Variants in SIPA1 observed in about 807,000 individuals in gnomAD.
SIPA1 encodes signal-induced proliferation-associated 1.
In SIPA1, 51 loss-of-function variants were observed where a neutral mutation model predicts 88.1. That is an observed-to-expected ratio of 0.58 (90% CI 0.46 to 0.73). The LOEUF (loss-of-function observed/expected upper bound fraction) is 0.73. Among genes scored for constraint, SIPA1 ranks in the 30% least tolerant of loss-of-function variants. The probability of loss-of-function intolerance (pLI) is 0.00; values close to 1 mark genes in which losing one functional copy is unlikely to be tolerated. For missense variants in SIPA1, 1,348 were observed against 1,467.6 expected (o/e 0.92, Z 1.33); for synonymous variants, 681 against 664.8 (o/e 1.02, Z -0.37).
Position 65,645,028 on chromosome 11 carries a change from A to G in SIPA1, c.1058A>G (p.Asn353Ser). ...GQGSEEEMYN[N>S]QEAGPAFMQF... ...GGCTCGGAGGAGGAGATGTACAACA[A>G]CCAGGAGGCGGGACCGGCCTTCATG... The change falls in exon 5 of 16, where the codon AAC (asparagine) becomes AGC (serine). Residue 353 changes from asparagine to serine, a missense_variant. Physicochemically the swap from Asn to Ser is conservative, Grantham distance 46. Transcript: ENST00000534313. 1 of 1,614,002 alleles carries G rather than the reference A, an allele frequency of 6.2e-7. No individual in the cohort carries two copies. The highest frequency in any genetic ancestry group is 8.5e-7 in the Non-Finnish European group (1 of 1,179,940).
chr11:65,638,833 G>A (rs1433807773), intron 1 of SIPA1, among the ~76,000 whole-genome samples: 1 of 152,260 alleles, frequency 6.6e-6, no homozygotes, highest in African/African-American at 2.4e-5. Context: ...GCCACAGCAA[G>A]AGGCAGCGCA....
At chr11:65,650,237 C>A (rs778680725) in intron 14 of SIPA1, 45 bp downstream of exon 14, 1 of 1,593,110 alleles carries the variant, frequency 6.3e-7, no homozygotes, top group East Asian at 2.2e-5. Flanking sequence ...GCCCACATGA[C>A]CCCCCCTTCG....
intron 9 of SIPA1, 42 bp from the exon 10 acceptor site, chr11:65,649,220 G>T: frequency 7.2e-7 from 1 of 1,383,236 alleles, no homozygotes; most frequent in South Asian, 1.4e-5. Context: ...GCAGGACGCT[G>T]GGGACTGGAG....
chr11:65,643,700 C>G (rs1040915150), intron 4 of SIPA1, among the ~76,000 whole-genome samples: 1 of 152,190 alleles, frequency 6.6e-6, no homozygotes, highest in African/African-American at 2.4e-5. Context: ...CAAAAGGGCT[C>G]AGGCCCGGAT....
rs1856122448 is a variant in SIPA1 at position 65,646,602 on chromosome 11, A to AGTTCCACGCCATGGCCACGCGCACCC, written c.1570_1595dup (p.Gln533SerfsTer21). Reference sequence around the variant, plus strand: ...GAGCAGGCGGCCGGCCACGCGCGCCAGTTCCACGCCATGGCCACGCGCACC... The same window carrying AGTTCCACGCCATGGCCACGCGCACCC: ...GAGCAGGCGGCCGGCCACGCGCGCCAGTTCCACGCCATGGCCACGCGCACCCGTTCCACGCCATGGCCACGCGCACC... On this transcript the variant is annotated frameshift_variant, in exon 8 of 16. Transcript: ENST00000534313. LOFTEE classifies it high-confidence loss of function. The surrounding 1 kb of genome is among the most constrained non-coding windows in gnomAD (Gnocchi z 7.5). 1 of 1,545,074 alleles carries AGTTCCACGCCATGGCCACGCGCACCC rather than the reference A, an allele frequency of 6.5e-7. No homozygotes were observed. Among genetic ancestry groups the AGTTCCACGCCATGGCCACGCGCACCC allele is most frequent in the African/African-American group, 1.4e-5 (1 of 73,242 alleles).
intron 9 of SIPA1, 104 bp downstream of exon 9, chr11:65,647,762 A>C (rs1856162142): frequency 6.6e-6 from 6 of 913,120 alleles, no homozygotes; most frequent in African/African-American, 1.8e-5. Context: ...CCCAGTGTGG[A>C]TACCTTTCCT....
intron 9 of SIPA1, among the ~76,000 whole-genome samples, chr11:65,648,155 G>C (rs906407814): frequency 6.6e-6 from 1 of 152,106 alleles, no homozygotes; most frequent in East Asian, 1.9e-4. Context: ...TTACAGGCGT[G>C]AGTCACCGCG....
In SIPA1 at chr11:65,638,131, G is replaced by C. The variant is rs1042965262; in HGVS notation, c.-143G>C. On this transcript the variant is annotated 5_prime_UTR_variant, in exon 1 of 16. Coordinates refer to ENST00000534313, the MANE Select transcript of SIPA1 (RefSeq NM_006747.4). ...CGGCGCCGGGAGCGGTAGCGGGAGA[G>C]CGGCAGCGGGACCCCAGCGCGGGCG... The C allele has an allele frequency of 2.0e-5, 3 of 152,306 alleles. No individual in the cohort carries two copies. The highest frequency in any genetic ancestry group is 4.4e-5 in the Non-Finnish European group (3 of 68,092). The allele number at this position is 152,306 out of a possible 1,614,324, so 9.4% of individuals were successfully genotyped here.
intron 1 of SIPA1, chr11:65,639,021 G>GTC (rs1565177822): frequency 1.3e-5 from 2 of 152,412 alleles, no homozygotes; most frequent in African/African-American, 4.8e-5. Context: ...GGCTACACCC[G>GTC]TCACACACAC....
chr11:65,639,536 C>T (rs1050735070), intron 1 of SIPA1, among the ~76,000 whole-genome samples: 6 of 152,224 alleles, frequency 3.9e-5, no homozygotes, highest in African/African-American at 9.6e-5. Flanking sequence ...AGGCCCCAGA[C>T]GAAGGGTGTG....
At position 65,649,692 on chromosome 11, in the gene SIPA1, T is replaced by C. The variant is rs1856218785; in HGVS notation, c.2637+20T>C. The C allele has an allele frequency of 6.2e-7, 1 of 1,614,068 alleles. No homozygotes were observed. The highest frequency in any genetic ancestry group is 8.5e-7 in the Non-Finnish European group (1 of 1,180,024). ...ACCCAGGTGAGCAGAAACCAGGCTC[T>C]GGAGCCCAACAGCACAGTGGTGACA... is the stretch of plus-strand genomic sequence containing the variant. On this transcript the variant is annotated intron_variant, in intron 11 of 15. Coordinates refer to ENST00000534313, the MANE Select transcript of SIPA1 (RefSeq NM_006747.4).
intron 8 of SIPA1, 83 bp downstream of exon 8, chr11:65,647,148 C>T: frequency 3.5e-6 from 5 of 1,418,272 alleles, no homozygotes; most frequent in Non-Finnish European, 4.6e-6. Flanking sequence ...CGCCTTTGTC[C>T]CCTACTCCTG....
chr11:65,639,564 C>T (rs1205807346), intron 1 of SIPA1, among the ~76,000 whole-genome samples: 2 of 152,142 alleles, frequency 1.3e-5, no homozygotes, highest in Non-Finnish European at 2.9e-5. Flanking sequence ...CCTCCTCCAC[C>T]CCCCTCCGGC....
Position 65,650,426 on chromosome 11 carries a change from A to G in SIPA1, c.2929A>G (p.Lys977Glu), listed in dbSNP as rs1357058954. The G allele has an allele frequency of 2.5e-6, 4 of 1,613,990 alleles. No homozygotes were observed. Among genetic ancestry groups the G allele is most frequent in the Non-Finnish European group, 3.4e-6 (4 of 1,179,980 alleles). ...AEPEPGNLSE[K>E]VSHLESMLRK... is the part of the protein sequence containing the mutation. The stretch of plus-strand genomic sequence containing the variant: ...GCCAGAGCCTGGGAACCTCTCAGAG[A>G]AGGTCTCTCACTTGGAGTCCATGCT... The change falls in exon 15 of 16, where the codon AAG becomes GAG. Residue 977 changes from lysine to glutamate, a missense_variant. Physicochemically the swap from Lys to Glu is moderately conservative, Grantham distance 56. This residue lies in a region of SIPA1 where 615 missense variants were observed against 559.8 expected (regional missense o/e 1.10). Transcript: ENST00000534313.
Position 65,646,031 on chromosome 11 carries a change from G to C in SIPA1, c.1263+74G>C, listed in dbSNP as rs1856106179. On this transcript the variant is annotated intron_variant, in intron 6 of 15. Transcript: ENST00000534313. The surrounding 1 kb of genome is among the most constrained non-coding windows in gnomAD (Gnocchi z 7.5). ...GCCCTGCATGGCCCATGACGTTTGA[G>C]CTTTGGCCGGAGCTCTGTTGGCCCC... 44 of 1,335,910 alleles carry C rather than the reference G, an allele frequency of 3.3e-5. No individual in the cohort carries two copies. The highest frequency in any genetic ancestry group is 4.4e-5 in the Non-Finnish European group (42 of 953,538). The allele number at this position is 1,335,910 out of a possible 1,614,324, so 82.8% of individuals were successfully genotyped here.
chr11:65,644,819 C>A, intron 4 of SIPA1, 136 bp from the exon 5 acceptor site: 1 of 826,780 alleles, frequency 1.2e-6, no homozygotes, highest in Non-Finnish European at 1.9e-6. Flanking sequence ...ACTGTACTCA[C>A]CTGACAGGCA....
At position 65,640,949 on chromosome 11, in the gene SIPA1, A is replaced by T. The variant is rs765175393; in HGVS notation, c.28A>T (p.Ser10Cys). MPMWAGGVG[S>C]PRRGMAPAST... ...GCCCATGTGGGCCGGCGGTGTGGGG[A>T]GCCCTCGGCGGGGCATGGCCCCTGC... Residue 10 changes from serine (S) to cysteine (C), a missense_variant, in exon 2 of 16, where the codon AGC becomes TGC. Transcript: ENST00000534313. 57 of 1,541,276 alleles carry T rather than the reference A, an allele frequency of 3.7e-5. No individual in the cohort carries two copies. The highest frequency in any genetic ancestry group is 4.7e-5 in the Non-Finnish European group (54 of 1,152,810).
In SIPA1 at chr11:65,641,476, G is replaced by GC; in HGVS notation, c.560dup (p.Ala188CysfsTer139). The GC allele has an allele frequency of 1.2e-6, 2 of 1,612,150 alleles. No homozygotes were observed. The highest frequency in any genetic ancestry group is 1.7e-6 in the Non-Finnish European group (2 of 1,180,000). ...TGGGTGGACCAGCATCCCCACCTGT[G>GC]CCCCCTGCACTGCCCAACGCGGCCG... is the stretch of plus-strand genomic sequence containing the variant. On this transcript the variant is annotated frameshift_variant, in exon 2 of 16. Coordinates refer to ENST00000534313, the MANE Select transcript of SIPA1 (RefSeq NM_006747.4). LOFTEE classifies it high-confidence loss of function.
chr11:65,646,718 G>T lies in SIPA1; in HGVS notation c.1684G>T (p.Gly562Trp), dbSNP rs1345266601. The T allele has an allele frequency of 6.5e-7, 1 of 1,535,626 alleles. No individual in the cohort carries two copies. The highest frequency in any genetic ancestry group is 1.2e-5 in the South Asian group (1 of 83,830). ...ACGCTTCGGCCTGCCCTCCCTGGGT[G>T]GGAGGCGCCGGGCGGCCCCTCGGGG... ...ASRFGLPSLG[G>W]RRRAAPRGPG... The change falls in exon 8 of 16, where the codon GGG (glycine) becomes TGG (tryptophan). Residue 562 changes from glycine (G) to tryptophan (W), a missense_variant. By Grantham distance (184) the Gly-to-Trp change is radical. Coordinates refer to ENST00000534313, the MANE Select transcript of SIPA1 (RefSeq NM_006747.4). The surrounding 1 kb of genome is among the most constrained non-coding windows in gnomAD (Gnocchi z 7.5).
Sources: gnomAD v4.1 joint callset for allele counts (sites outside exome capture counted in the v4.1 genomes callset) on GRCh38, gnomAD v4.1.1 for gene constraint, gnomAD v4.1.1 regional missense constraint, Gnocchi (gnomAD v3.1) non-coding constraint, MANE v1.5 for transcripts, NCBI Gene and HGNC (gene_info 2026-07-23, HGNC 2026-07-21) for gene names.